UNC13C: variants seen among roughly 807,000 people sequenced by gnomAD.
UNC13C encodes the protein protein unc-13 homolog C.
In UNC13C, 174 loss-of-function variants were observed where a neutral mutation model predicts 245.4. That is an observed-to-expected ratio of 0.71 (90% CI 0.63 to 0.80). The LOEUF is 0.80. UNC13C is among the 30% of genes least tolerant of loss of function. The probability of loss-of-function intolerance (pLI) is 0.00; values close to 1 mark genes in which losing one functional copy is unlikely to be tolerated. For missense variants in UNC13C, 2,829 were observed against 2,602.9 expected, an observed-to-expected ratio of 1.09 and a Z score of -1.89; for synonymous variants, 992 against 895.1, an observed-to-expected ratio of 1.11 and a Z score of -1.93.
intron 4 of UNC13C, among the ~76,000 whole-genome samples, chr15:54,225,074 T>A (rs2035339057): frequency 1.8e-5 from 1 of 55,814 alleles, no homozygotes; most frequent in Admixed American, 1.8e-4. Flanking sequence ...GTAAGTTTTG[T>A]TTATCTTTTC....
chr15:54,194,698 A>T (rs1168516849), intron 4 of UNC13C, among the ~76,000 whole-genome samples: 1 of 152,086 alleles, frequency 6.6e-6, no homozygotes, highest in Non-Finnish European at 1.5e-5. Flanking sequence ...AGTGGGTATG[A>T]AGTTGAAATG....
At chr15:54,624,629 G>A (rs549184023) in intron 32 of UNC13C, among the ~76,000 whole-genome samples, 106 of 152,140 alleles carry the variant, frequency 7.0e-4, no homozygotes, top group Middle Eastern at 3.4e-3. Flanking sequence ...ATAATTATAC[G>A]GTGGCAAGAC....
At chr15:53,939,202 A>T in the UNC13C span, among the ~76,000 whole-genome samples, 1 of 152,216 alleles carries the variant, frequency 6.6e-6, no homozygotes, top group Non-Finnish European at 1.5e-5. Flanking sequence ...AGAGAACACT[A>T]TAAACACCTC....
chr15:54,332,174 A>G (rs2038454690), intron 15 of UNC13C, 63 bp downstream of exon 15: 1 of 1,135,686 alleles, frequency 8.8e-7, no homozygotes, highest in Non-Finnish European at 1.2e-6. Flanking sequence ...TTCTTGCCAT[A>G]TTGTAAAAAT....
intron 19 of UNC13C, among the ~76,000 whole-genome samples, chr15:54,481,802 C>T (rs1893133677): frequency 6.6e-6 from 1 of 152,208 alleles, no homozygotes; most frequent in South Asian, 2.1e-4. Flanking sequence ...CCTGATGGTG[C>T]ATGGGGATGC....
intron 17 of UNC13C, among the ~76,000 whole-genome samples, chr15:54,339,853 A>G (rs2038688054): frequency 6.6e-6 from 1 of 150,938 alleles, no homozygotes; most frequent in Admixed American, 6.6e-5. Context: ...TTAGTTCTCT[A>G]AGAGATCTCC....
chr15:53,862,207 A>G, the UNC13C span, among the ~76,000 whole-genome samples: 2 of 152,134 alleles, frequency 1.3e-5, no homozygotes, highest in African/African-American at 4.8e-5. Flanking sequence ...AATGAGGTCC[A>G]GCTGCTTGTT....
intron 2 of UNC13C, chr15:54,044,335 G>A (rs1310694882): frequency 2.1e-5 from 5 of 238,764 alleles, no homozygotes; most frequent in African/African-American, 1.1e-4. Context: ...TCTATATGCT[G>A]ATTGGAAAAA....
At chr15:54,486,276 C>CACACACAG (rs1555472897) in intron 19 of UNC13C, among the ~76,000 whole-genome samples, 15 of 151,046 alleles carry the variant, frequency 9.9e-5, no homozygotes, top group African/African-American at 3.4e-4. Flanking sequence ...CACACACACA[C>CACACACAG]ACACACACAC....
At chr15:54,090,098 TC>T (rs2141134585) in intron 2 of UNC13C, among the ~76,000 whole-genome samples, 2 of 152,300 alleles carry the variant, frequency 1.3e-5, no homozygotes, top group Admixed American at 1.3e-4. Flanking sequence ...AAGACATGCA[TC>T]ACCTGCAAAT....
chr15:54,013,492 G>A lies in UNC13C; in HGVS notation c.589G>A (p.Asp197Asn), dbSNP rs1257891057. 6.8e-6 allele frequency: 11 copies of A among 1,613,762 alleles called. No individual in the cohort carries two copies. The highest frequency in any genetic ancestry group is 7.6e-6 in the Non-Finnish European group (9 of 1,179,868). The change falls in exon 2 of 33, where the codon GAC (aspartate) becomes AAC (asparagine). Residue 197 changes from aspartate to asparagine, a missense_variant. By Grantham distance (23) the Asp-to-Asn change is conservative. Coordinates refer to ENST00000260323, the MANE Select transcript of UNC13C (RefSeq NM_001080534.3). ...WKKSQECVSSDSELSTMKKSW... is the reference protein window; with the variant it reads ...WKKSQECVSSNSELSTMKKSW... The stretch of plus-strand genomic sequence containing the variant: ...AAAGAGTCAAGAATGTGTCTCCTCA[G>A]ACTCAGAGTTAAGCACCATGAAAAA...
chr15:53,949,223 T>C, the UNC13C span, among the ~76,000 whole-genome samples: 1 of 152,236 alleles, frequency 6.6e-6, no homozygotes, highest in Non-Finnish European at 1.5e-5. Flanking sequence ...GTTGACAGAA[T>C]GTGAGACACT....
chr15:54,135,853 G>T (rs1297148342), intron 2 of UNC13C, among the ~76,000 whole-genome samples: 1 of 151,998 alleles, frequency 6.6e-6, no homozygotes, highest in African/African-American at 2.4e-5. Context: ...TGGAATTCTG[G>T]TAGAGATTCC....
At chr15:54,147,957 C>T (rs1595911825) in intron 4 of UNC13C, among the ~76,000 whole-genome samples, 1 of 152,184 alleles carries the variant, frequency 6.6e-6, no homozygotes, top group East Asian at 1.9e-4. Context: ...TGAAGTTCTT[C>T]TCTGCAGTAC....
At chr15:54,078,456 T>A (rs1425580189) in intron 2 of UNC13C, among the ~76,000 whole-genome samples, 1 of 152,158 alleles carries the variant, frequency 6.6e-6, no homozygotes, top group African/African-American at 2.4e-5. Context: ...TTTCTGCCAA[T>A]AGTGTATAAG....
At chr15:54,505,145 G>A (rs1596486673) in intron 22 of UNC13C, among the ~76,000 whole-genome samples, 1 of 152,192 alleles carries the variant, frequency 6.6e-6, no homozygotes, top group East Asian at 1.9e-4. Context: ...AGAACAAGAT[G>A]CAACAGTCCC....
chr15:54,388,847 C>A (rs1470877521), intron 17 of UNC13C, among the ~76,000 whole-genome samples: 1 of 152,018 alleles, frequency 6.6e-6, no homozygotes, highest in African/African-American at 2.4e-5. Flanking sequence ...TGATCTACAT[C>A]AACATGTTCA....
At chr15:53,904,059 G>C in the UNC13C span, among the ~76,000 whole-genome samples, 1 of 152,136 alleles carries the variant, frequency 6.6e-6, no homozygotes, top group Non-Finnish European at 1.5e-5. Flanking sequence ...TTTTTAATTG[G>C]TTGGCTGGCT....
At chr15:53,942,492 A>T in the UNC13C span, among the ~76,000 whole-genome samples, 1 of 151,332 alleles carries the variant, frequency 6.6e-6, no homozygotes, top group Non-Finnish European at 1.5e-5. Context: ...GCAGCAAACC[A>T]CCATGGCACT....
Sources: allele counts gnomAD v4.1 joint callset (sites outside exome capture counted in the v4.1 genomes callset), GRCh38; gene constraint gnomAD v4.1.1; transcripts MANE v1.5; gene names NCBI Gene and HGNC (gene_info 2026-07-23, HGNC 2026-07-21).